Variants in MVB12B observed in about 807,000 individuals in gnomAD.
The protein encoded by MVB12B is multivesicular body subunit 12B, also known as ESCRT-I complex subunit MVB12B.
Under a neutral mutation model 41.6 loss-of-function variants are expected in MVB12B, and 16 were observed. The observed-to-expected ratio is 0.38, with a 90% CI of 0.26 to 0.58. MVB12B has a LOEUF of 0.58. MVB12B is among the 20% of genes least tolerant of loss of function. The pLI, the probability that MVB12B is intolerant of heterozygous loss-of-function variation, is 0.62. For missense variants in MVB12B, 274 were observed against 380.2 expected (o/e 0.72, Z 2.32); for synonymous variants, 133 against 139.7 (o/e 0.95, Z 0.34).
intron 2 of MVB12B, among the ~76,000 whole-genome samples, chr9:126,378,135 A>C (rs7044196): frequency 0.83 from 125,254 of 151,756 alleles, 52,204 homozygotes; most frequent in African/African-American, 0.92. Context: ...ACCCCACCTT[A>C]CCCCAGCTTC....
At chr9:126,361,971 T>C (rs1830042708) in intron 2 of MVB12B, among the ~76,000 whole-genome samples, 2 of 151,740 alleles carry the variant, frequency 1.3e-5, no homozygotes, top group South Asian at 4.2e-4. Context: ...TTGTTTCTTA[T>C]AAGAAGTCTG....
intron 6 of MVB12B, among the ~76,000 whole-genome samples, chr9:126,403,380 G>A (rs1431810163): frequency 1.3e-5 from 2 of 152,182 alleles, no homozygotes; most frequent in Admixed American, 6.5e-5. Context: ...ATTGGCCCTG[G>A]CCAGCCCCAC....
intron 7 of MVB12B, among the ~76,000 whole-genome samples, chr9:126,455,887 CTTT>C (rs3983803): frequency 3.5e-4 from 36 of 103,038 alleles, no homozygotes; most frequent in African/African-American, 8.7e-4. Context: ...TTCTTTCTTT[CTTT>C]TTTTTTTTTT....
chr9:126,376,702 T>G lies in MVB12B; in HGVS notation c.205-4362T>G, dbSNP rs1445580898. On this transcript the variant is annotated intron_variant, in intron 2 of 9. Transcript: ENST00000361171. This position sits in a 1 kb window ranked among gnomAD's most constrained non-coding sequence, Gnocchi z 4.1. The stretch of plus-strand genomic sequence containing the variant: ...CGCTTGGTTACTCAATTACCCTCGT[T>G]TCCACTCTGAAGTTGCACCTCCTCC... 1 of 1,266,248 alleles carries G rather than the reference T, an allele frequency of 7.9e-7. No homozygotes were observed. The highest frequency in any genetic ancestry group is 1.5e-5 in the African/African-American group (1 of 65,488). The allele number at this position is 1,266,248 out of a possible 1,614,324, so 78.4% of individuals were successfully genotyped here.
intron 6 of MVB12B, among the ~76,000 whole-genome samples, chr9:126,419,457 G>A (rs916625777): frequency 3.3e-5 from 5 of 152,166 alleles, no homozygotes; most frequent in Admixed American, 1.3e-4. Context: ...GCACTGGGCC[G>A]CGCATATTGT....
At chr9:126,496,890 G>A (rs1833847563) in intron 9 of MVB12B, among the ~76,000 whole-genome samples, 1 of 152,096 alleles carries the variant, frequency 6.6e-6, no homozygotes, top group Non-Finnish European at 1.5e-5. Flanking sequence ...TGTCCCCCAG[G>A]GGACAGGCAG....
At chr9:126,474,492 T>G (rs560804739) in intron 7 of MVB12B, among the ~76,000 whole-genome samples, 1 of 152,148 alleles carries the variant, frequency 6.6e-6, no homozygotes, top group African/African-American at 2.4e-5. Context: ...GCTGCCCAGA[T>G]GAGAGGAGAC....
chr9:126,506,427 T>C lies in MVB12B; in HGVS notation c.*3164T>C, dbSNP rs1318185009. The stretch of plus-strand genomic sequence containing the variant: ...CGCAAGCCCGTGCTGGGGCTGCCCT[T>C]TCTGTTTCCAGTCCAGTTACGGACT... On this transcript the variant is annotated 3_prime_UTR_variant, in exon 10 of 10. Coordinates refer to ENST00000361171, the MANE Select transcript of MVB12B (RefSeq NM_033446.3). 6.6e-6 allele frequency: 1 copy of C among 152,546 alleles called. No individual in the cohort carries two copies. Among genetic ancestry groups the C allele is most frequent in the Non-Finnish European group, 1.5e-5 (1 of 68,088 alleles). 9.4% of individuals were successfully genotyped at this position (152,546 alleles called of 1,614,324 possible).
rs562543093 is a variant in MVB12B, at chr9:126,498,148, G to A, written c.874-5029G>A. Among the ~76,000 whole-genome samples, 24 of 152,344 alleles carry A rather than the reference G, an allele frequency of 1.6e-4. 1 individual carries two copies. Among genetic ancestry groups the A allele is most frequent in the South Asian group, 6.2e-4 (3 of 4,828 alleles). ...TCATCTTCAGGAAACAGATGAGGACGTGGAGCCCCTCATGTGAGGAAGCTG... is the reference window on the plus strand; with the variant it reads ...TCATCTTCAGGAAACAGATGAGGACATGGAGCCCCTCATGTGAGGAAGCTG... On this transcript the variant is annotated intron_variant, in intron 9 of 9. Coordinates refer to ENST00000361171, the MANE Select transcript of MVB12B (RefSeq NM_033446.3).
At chr9:126,498,922 C>T (rs939368437) in intron 9 of MVB12B, among the ~76,000 whole-genome samples, 2 of 152,216 alleles carry the variant, frequency 1.3e-5, no homozygotes, top group Non-Finnish European at 2.9e-5. Flanking sequence ...GTCCCCGTGC[C>T]GGTTAAACCA....
At chr9:126,464,946 C>T (rs542094583) in intron 7 of MVB12B, among the ~76,000 whole-genome samples, 11 of 152,326 alleles carry the variant, frequency 7.2e-5, no homozygotes, top group Admixed American at 3.3e-4. Context: ...CTTTGCTTCC[C>T]TTAGACAGAT....
In MVB12B at chr9:126,506,664, G is replaced by C. The variant is rs113181570; in HGVS notation, c.*3401G>C. On this transcript the variant is annotated 3_prime_UTR_variant, in exon 10 of 10. Transcript: ENST00000361171. ...AGGGCCTTGAGGAAGCAGCCCCCAG[G>C]CCTGGCAGCCACGCAGCGGCTGAGC... is the stretch of plus-strand genomic sequence containing the variant. 0.015 allele frequency: 2,216 copies of C among 152,446 alleles called. 59 individuals carry two copies. The highest frequency in any genetic ancestry group is 0.05 in the African/African-American group (2,070 of 41,576). 9.4% of individuals were successfully genotyped at this position (152,446 alleles called of 1,614,324 possible).
At chr9:126,495,212 A>AAT (rs1564351792) in intron 9 of MVB12B, among the ~76,000 whole-genome samples, 86 of 144,812 alleles carry the variant, frequency 5.9e-4, no homozygotes, top group African/African-American at 2.1e-3. Context: ...AAAAAATGAG[A>AAT]GAGAGAGAAA....
At chr9:126,489,542 G>C (rs741024) in intron 9 of MVB12B, among the ~76,000 whole-genome samples, 1 of 152,112 alleles carries the variant, frequency 6.6e-6, no homozygotes, top group South Asian at 2.1e-4. Context: ...AATTTTGAAG[G>C]AAAGGATCTG....
intron 2 of MVB12B, among the ~76,000 whole-genome samples, chr9:126,357,850 T>C (rs945083939): frequency 6.6e-6 from 1 of 152,200 alleles, no homozygotes; most frequent in African/African-American, 2.4e-5. Context: ...TTATTTTTTT[T>C]CTTTTATAGT....
intron 2 of MVB12B, among the ~76,000 whole-genome samples, chr9:126,350,996 G>A (rs1287899177): frequency 1.3e-5 from 2 of 152,028 alleles, no homozygotes; most frequent in Non-Finnish European, 2.9e-5. Context: ...TCCCCACTAT[G>A]TTGAGTATTC....
chr9:126,344,692 G>A (rs1010407440), intron 2 of MVB12B, among the ~76,000 whole-genome samples: 1 of 152,220 alleles, frequency 6.6e-6, no homozygotes, highest in Admixed American at 6.5e-5. Flanking sequence ...CTGCCATGAC[G>A]CTATCCCTAA....
At position 126,473,304 on chromosome 9, in the gene MVB12B, C is replaced by T. The variant is rs1833353343; in HGVS notation, c.758-8065C>T. ...AGCCCCTCCTTCCCTGCCATAGCCC[C>T]CCATAGCCCCAGAGCAGGTTACACT... On this transcript the variant is annotated intron_variant, in intron 7 of 9. Transcript: ENST00000361171. This position sits in a 1 kb window ranked among gnomAD's most constrained non-coding sequence, Gnocchi z 4.0. 6.6e-6 allele frequency among the ~76,000 whole-genome samples: 1 copy of T among 152,214 alleles called. No individual in the cohort carries two copies. The highest frequency in any genetic ancestry group is 1.5e-5 in the Non-Finnish European group (1 of 68,036).
At chr9:126,360,786 A>G (rs1218156972) in intron 2 of MVB12B, among the ~76,000 whole-genome samples, 2 of 152,226 alleles carry the variant, frequency 1.3e-5, no homozygotes, top group Non-Finnish European at 2.9e-5. Context: ...TTAAGGAATG[A>G]TATGTCCTCG....
Sources: allele counts gnomAD v4.1 joint callset (sites outside exome capture counted in the v4.1 genomes callset), GRCh38; gene constraint gnomAD v4.1.1; non-coding constraint Gnocchi (gnomAD v3.1); transcripts MANE v1.5; gene names NCBI Gene and HGNC (gene_info 2026-07-23, HGNC 2026-07-21).